C1QTNF3: variants seen among roughly 807,000 people sequenced by gnomAD.
C1QTNF3 encodes C1q and TNF related 3, also known as complement C1q tumor necrosis factor-related protein 3.
Under a neutral mutation model 32.6 loss-of-function variants are expected in C1QTNF3, and 26 were observed. That is an observed-to-expected ratio of 0.80 (90% CI 0.58 to 1.11). The LOEUF is 1.11. C1QTNF3 is among the 50% of genes least tolerant of loss of function. The pLI, the probability that C1QTNF3 is intolerant of heterozygous loss-of-function variation, is 0.00. For missense variants in C1QTNF3, 362 were observed against 398.2 expected (o/e 0.91, Z 0.77); for synonymous variants, 155 against 146.0 (o/e 1.06, Z -0.44).
At chr5:34,146,023 A>G in the C1QTNF3 span, among the ~76,000 whole-genome samples, 1 of 152,236 alleles carries the variant, frequency 6.6e-6, no homozygotes, top group Non-Finnish European at 1.5e-5. Flanking sequence ...AATAAAAGCC[A>G]TCTATGGTAA....
At chr5:34,177,085 T>TG in the C1QTNF3 span, among the ~76,000 whole-genome samples, 1 of 151,838 alleles carries the variant, frequency 6.6e-6, no homozygotes, top group Admixed American at 6.6e-5. Context: ...TCCAGCTACT[T>TG]GGGGGGCTGA....
At chr5:34,137,374 G>A in the C1QTNF3 span, among the ~76,000 whole-genome samples, 139 of 151,988 alleles carry the variant, frequency 9.1e-4, no homozygotes, top group African/African-American at 2.9e-3. Context: ...TGAAAATGTC[G>A]TCTTCCTTCA....
At chr5:34,173,044 T>C in the C1QTNF3 span, among the ~76,000 whole-genome samples, 2 of 152,216 alleles carry the variant, frequency 1.3e-5, no homozygotes, top group Non-Finnish European at 2.9e-5. Flanking sequence ...CTAGCACATA[T>C]GTATACTTTT....
the C1QTNF3 span, among the ~76,000 whole-genome samples, chr5:34,086,906 T>A: frequency 6.6e-6 from 1 of 151,818 alleles, no homozygotes; most frequent in Non-Finnish European, 1.5e-5. Flanking sequence ...GTTTTTGCAT[T>A]TGTAAAACAA....
chr5:34,046,575 T>C (rs1002870026), upstream of C1QTNF3, among the ~76,000 whole-genome samples: 1 of 152,178 alleles, frequency 6.6e-6, no homozygotes, highest in African/African-American at 2.4e-5. Context: ...GTGGAACAGA[T>C]GATTCTCTCA....
the C1QTNF3 span, among the ~76,000 whole-genome samples, chr5:34,184,715 CAAAA>C: frequency 7.7e-6 from 1 of 129,558 alleles, no homozygotes; most frequent in African/African-American, 2.8e-5. Context: ...GACTCTGTCT[CAAAA>C]AAAAAAAAAA....
At chr5:34,095,960 T>C in the C1QTNF3 span, among the ~76,000 whole-genome samples, 1 of 151,536 alleles carries the variant, frequency 6.6e-6, no homozygotes, top group African/African-American at 2.4e-5. Flanking sequence ...TGGATACATC[T>C]CAAGCACAGA....
the C1QTNF3 span, among the ~76,000 whole-genome samples, chr5:34,092,705 A>G: frequency 6.6e-6 from 1 of 151,870 alleles, no homozygotes; most frequent in African/African-American, 2.4e-5. Flanking sequence ...CCAGCAAGTA[A>G]CTTATTAGAT....
the C1QTNF3 span, among the ~76,000 whole-genome samples, chr5:34,074,992 C>G: frequency 6.6e-6 from 1 of 151,564 alleles, no homozygotes; most frequent in African/African-American, 2.4e-5. Flanking sequence ...AATTGTTTGT[C>G]TGCATTCAAT....
the C1QTNF3 span, among the ~76,000 whole-genome samples, chr5:34,128,601 C>T: frequency 2.6e-5 from 4 of 152,308 alleles, no homozygotes; most frequent in African/African-American, 7.2e-5. Context: ...TCAGCATTCC[C>T]TGGATGTGAG....
the C1QTNF3 span, among the ~76,000 whole-genome samples, chr5:34,154,918 T>C: frequency 2.6e-5 from 4 of 152,298 alleles, no homozygotes; most frequent in Middle Eastern, 6.8e-3. Flanking sequence ...TGAGAACCAC[T>C]GGTGTATGCA....
chr5:34,219,876 C>T, the C1QTNF3 span: 1 of 152,070 alleles, frequency 6.6e-6, no homozygotes, highest in East Asian at 1.9e-4. Context: ...AGGGGCTATA[C>T]TAATAAACAA....
the C1QTNF3 span, among the ~76,000 whole-genome samples, chr5:34,220,178 A>G: frequency 9.2e-4 from 140 of 152,190 alleles, 2 homozygotes; most frequent in East Asian, 0.025. Context: ...TTTTCCTTAC[A>G]TTGCAAATCA....
chr5:34,035,049 C>T (rs575841701), intron 2 of C1QTNF3, among the ~76,000 whole-genome samples: 29 of 152,174 alleles, frequency 1.9e-4, no homozygotes, highest in African/African-American at 6.7e-4. Context: ...CTTGGGAGCC[C>T]CATATTGAGG....
At chr5:34,227,177 A>T in the C1QTNF3 span, among the ~76,000 whole-genome samples, 40 of 150,292 alleles carry the variant, frequency 2.7e-4, no homozygotes, top group East Asian at 6.7e-3. Flanking sequence ...ACTCACAAGA[A>T]GATGATTAGC....
chr5:34,099,444 T>C, the C1QTNF3 span, among the ~76,000 whole-genome samples: 1 of 152,184 alleles, frequency 6.6e-6, no homozygotes, highest in Admixed American at 6.6e-5. Context: ...TAAAAAATCA[T>C]ACCATATGAA....
the C1QTNF3 span, among the ~76,000 whole-genome samples, chr5:34,054,353 T>A: frequency 6.6e-6 from 1 of 152,190 alleles, no homozygotes; most frequent in South Asian, 2.1e-4. Context: ...GTATCTCAGT[T>A]CCCAGAGATT....
chr5:34,138,709 G>A, the C1QTNF3 span, among the ~76,000 whole-genome samples: 3 of 152,114 alleles, frequency 2.0e-5, no homozygotes, highest in African/African-American at 7.2e-5. Flanking sequence ...AATCTTTGAG[G>A]TACATTAATC....
the C1QTNF3 span, among the ~76,000 whole-genome samples, chr5:34,212,674 T>A: frequency 1.3e-5 from 2 of 150,490 alleles, no homozygotes; most frequent in Non-Finnish European, 3.0e-5. Flanking sequence ...TCACTGGCCA[T>A]CAGAGAAATG....
Sources: gnomAD v4.1 joint callset for allele counts (sites outside exome capture counted in the v4.1 genomes callset) on GRCh38, gnomAD v4.1.1 for gene constraint, MANE v1.5 for transcripts, NCBI Gene and HGNC (gene_info 2026-07-23, HGNC 2026-07-21) for gene names.